The following TCEA3 variants were observed in gnomAD, a reference collection of about 807,000 sequenced individuals.
The protein encoded by TCEA3 is transcription elongation factor A protein 3.
In TCEA3, 36 loss-of-function variants were observed where a neutral mutation model predicts 44.0. The observed-to-expected ratio is 0.82, with a 90% CI of 0.63 to 1.08. TCEA3 has a LOEUF of 1.08. TCEA3 is among the 50% of genes least tolerant of loss of function. TCEA3 has a pLI of 0.00. For synonymous variants in TCEA3, 162 were observed against 159.7 expected (o/e 1.01, Z -0.11); for missense variants, 392 against 441.2 (o/e 0.89, Z 1.00).
At chr1:23,424,541 G>A in intron 1 of TCEA3, 24 bp downstream of exon 1, 2 of 1,598,096 alleles carry the variant, frequency 1.3e-6, no homozygotes, top group Non-Finnish European at 8.5e-7. Context: ...GGCGGGGGCC[G>A]TGGCCCAAAC....
chr1:23,399,576 G>A (rs1639336803), intron 5 of TCEA3, among the ~76,000 whole-genome samples: 1 of 151,968 alleles, frequency 6.6e-6, no homozygotes, highest in Middle Eastern at 3.2e-3. Context: ...TCTCTGAGGT[G>A]GAATGATAGG....
At chr1:23,422,611 G>C (rs977864493) in intron 1 of TCEA3, among the ~76,000 whole-genome samples, 3 of 152,026 alleles carry the variant, frequency 2.0e-5, no homozygotes, top group African/African-American at 7.2e-5. Context: ...TCGGCCAGAC[G>C]CCCAGAGCTC....
chr1:23,388,267 G>A (rs1372944928), intron 8 of TCEA3, among the ~76,000 whole-genome samples: 3 of 149,834 alleles, frequency 2.0e-5, no homozygotes, highest in African/African-American at 7.4e-5. Context: ...GTGCGATCTC[G>A]GCTCACTGCA....
chr1:23,395,219 A>G (rs185436281), intron 7 of TCEA3, among the ~76,000 whole-genome samples: 107 of 152,332 alleles, frequency 7.0e-4, no homozygotes, highest in African/African-American at 2.5e-3. Context: ...TTTAAAATGT[A>G]CCACTTGGGA....
In TCEA3 at chr1:23,417,960, T is replaced by A; in HGVS notation, c.182A>T (p.Asp61Val). The change falls in exon 3 of 11, where the codon GAC becomes GTC. Residue 61 changes from aspartate to valine, a missense_variant. Transcript: ENST00000450454. ...TTTGGCCAAGGACACCACCTCCTTG[T>A]CTGAGCAGTGCTTGCGGACCCCATT... Reference protein sequence around the residue: ...AVNGVRKHCSDKEVVSLAKVL... With the variant: ...AVNGVRKHCSVKEVVSLAKVL... 6.2e-7 allele frequency: 1 copy of A among 1,614,068 alleles called. No homozygotes were observed. The highest frequency in any genetic ancestry group is 8.5e-7 in the Non-Finnish European group (1 of 1,179,896).
chr1:23,388,739 G>T (rs1440376148), intron 8 of TCEA3, among the ~76,000 whole-genome samples: 1 of 152,046 alleles, frequency 6.6e-6, no homozygotes, highest in Non-Finnish European at 1.5e-5. Flanking sequence ...GAGTGCAGTG[G>T]TGCGATCGTG....
chr1:23,403,985 G>T, intron 5 of TCEA3: 1 of 634,088 alleles, frequency 1.6e-6, no homozygotes, highest in Non-Finnish European at 2.9e-6. Context: ...TCATCGGCCG[G>T]GGTGGGAGGT....
At chr1:23,392,492 C>CAT (rs1639078525) in intron 8 of TCEA3, among the ~76,000 whole-genome samples, 7 of 29,066 alleles carry the variant, frequency 2.4e-4, no homozygotes, top group African/African-American at 7.1e-4. Flanking sequence ...CTCCACACAT[C>CAT]ACACACTCAC....
Position 23,387,395 on chromosome 1 carries a change from C to T in TCEA3, c.844G>A (p.Glu282Lys), listed in dbSNP as rs1261118072. Residue 282 changes from glutamate to lysine, a missense_variant, in exon 9 of 11, where the codon GAG becomes AAG. Glu to Lys is a moderately conservative substitution (Grantham distance 56, BLOSUM62 1). Transcript: ENST00000450454. The part of the protein sequence containing the change: ...AEEMASDELR[E>K]LRNAMTQEAI... Reference sequence around the variant, plus strand: ...TCCTGGGTCATGGCATTCCTCAACTCCCTCAGTTCATCACTGGCCATTTCC... The same window carrying T: ...TCCTGGGTCATGGCATTCCTCAACTTCCTCAGTTCATCACTGGCCATTTCC... 6.2e-7 allele frequency: 1 copy of T among 1,608,702 alleles called. No individual in the cohort carries two copies. The highest frequency in any genetic ancestry group is 1.7e-5 in the Admixed American group (1 of 59,210).
intron 5 of TCEA3, among the ~76,000 whole-genome samples, chr1:23,399,487 T>C (rs779940382): frequency 2.6e-5 from 4 of 151,958 alleles, no homozygotes; most frequent in Non-Finnish European, 4.4e-5. Context: ...ACAGTCACAA[T>C]GGGGTTTGGG....
At chr1:23,384,603 G>A (rs371199976) in intron 9 of TCEA3, among the ~76,000 whole-genome samples, 186 bp from the exon 10 acceptor site, 3 of 151,292 alleles carry the variant, frequency 2.0e-5, no homozygotes, top group African/African-American at 7.3e-5. Context: ...CCTCTGGCAG[G>A]CAGTCCATCA....
intron 5 of TCEA3, among the ~76,000 whole-genome samples, chr1:23,399,144 G>GTGTGTATA (rs751608613): frequency 1.6e-5 from 1 of 61,168 alleles, no homozygotes; most frequent in African/African-American, 5.7e-5. Context: ...ATGTATATAT[G>GTGTGTATA]TATATATATA....
intron 1 of TCEA3, among the ~76,000 whole-genome samples, chr1:23,419,705 G>T (rs1197269551): frequency 6.6e-6 from 1 of 152,078 alleles, no homozygotes; most frequent in Non-Finnish European, 1.5e-5. Context: ...GCGTGGTGGC[G>T]CATGCCTGTA....
Position 23,397,851 on chromosome 1 carries a change from G to A in TCEA3, c.548C>T (p.Thr183Ile). The change falls in exon 6 of 11, where the codon ACA (threonine) becomes ATA (isoleucine). Residue 183 changes from threonine to isoleucine, a missense_variant. By Grantham distance (89) the Thr-to-Ile change is moderately conservative. Coordinates refer to ENST00000450454, the MANE Select transcript of TCEA3 (RefSeq NM_003196.3). ...SMCLLAPCYLTGDSVRDKCVE... is the reference protein window; with the variant it reads ...SMCLLAPCYLIGDSVRDKCVE... ...ACACTTGTCCCGGACAGAGTCCCCTGTGAGATAGCAGGGGGCCAGGAGACA... is the reference window on the plus strand; with the variant it reads ...ACACTTGTCCCGGACAGAGTCCCCTATGAGATAGCAGGGGGCCAGGAGACA... The A allele has an allele frequency of 6.2e-7, 1 of 1,613,984 alleles. No homozygotes were observed. The highest frequency in any genetic ancestry group is 2.2e-5 in the East Asian group (1 of 44,884).
intron 5 of TCEA3, among the ~76,000 whole-genome samples, chr1:23,399,144 G>A (rs61327249): frequency 0.035 from 2,094 of 60,614 alleles, 143 homozygotes; most frequent in African/African-American, 0.11. Context: ...ATGTATATAT[G>A]TATATATATA....
chr1:23,396,613 A>C (rs1392918486), intron 7 of TCEA3, among the ~76,000 whole-genome samples: 1 of 152,222 alleles, frequency 6.6e-6, no homozygotes, highest in African/African-American at 2.4e-5. Context: ...AAATGGGAAC[A>C]GTCCCTGCCT....
chr1:23,399,832 C>G (rs534927708), intron 5 of TCEA3, among the ~76,000 whole-genome samples: 3 of 152,048 alleles, frequency 2.0e-5, no homozygotes, highest in African/African-American at 4.8e-5. Flanking sequence ...TGCACCACCA[C>G]GCCCAGCTAA....
intron 1 of TCEA3, among the ~76,000 whole-genome samples, chr1:23,419,928 A>G (rs1558076643): frequency 6.6e-6 from 1 of 152,224 alleles, no homozygotes; most frequent in African/African-American, 2.4e-5. Flanking sequence ...GATAAGTTTC[A>G]ACATACGTGT....
intron 10 of TCEA3, among the ~76,000 whole-genome samples, chr1:23,382,917 GT>G (rs1466624412): frequency 6.6e-6 from 1 of 152,170 alleles, no homozygotes; most frequent in African/African-American, 2.4e-5. Context: ...TAATCATCTG[GT>G]TTTTACCTTA....
Sources: allele counts gnomAD v4.1 joint callset (sites outside exome capture counted in the v4.1 genomes callset), GRCh38; gene constraint gnomAD v4.1.1; transcripts MANE v1.5; gene names NCBI Gene and HGNC (gene_info 2026-07-23, HGNC 2026-07-21).